Variants in RASIP1 observed in about 807,000 individuals in gnomAD.
The protein encoded by RASIP1 is Ras interacting protein 1.
Under a neutral mutation model 85.3 loss-of-function variants are expected in RASIP1, and 20 were observed. The ratio of observed to expected loss-of-function variants is 0.23; its 90% CI spans 0.17 to 0.34. RASIP1 has a LOEUF of 0.34. Among genes scored for constraint, RASIP1 ranks in the 10% least tolerant of loss-of-function variants. The pLI is 1.00. For missense variants in RASIP1, 1,170 were observed against 1,390.9 expected (o/e 0.84, Z 2.53); for synonymous variants, 617 against 647.1 (o/e 0.95, Z 0.71).
At position 48,724,375 on chromosome 19, in the gene RASIP1, C is replaced by T; in HGVS notation, c.2506G>A (p.Val836Met). Residue 836 changes from valine (V) to methionine (M), a missense_variant, in exon 10 of 12, where the codon GTG becomes ATG. Around this residue, in one of 4 missense-constraint regions of RASIP1, gnomAD observed 426 missense variants for 576.2 expected, o/e 0.74. Coordinates refer to ENST00000222145, the MANE Select transcript of RASIP1 (RefSeq NM_017805.3). This position sits in a 1 kb window ranked among gnomAD's most constrained non-coding sequence, Gnocchi z 4.6. ...TEFFRKLSMA[V>M]NLLCVPRTSL... ...GTGCGGGGCACACAGAGCAGGTTCA[C>T]AGCCATGGAGAGTTTCCGGAAGAAC... 1 of 1,614,204 alleles carries T rather than the reference C, an allele frequency of 6.2e-7. No individual in the cohort carries two copies. Among genetic ancestry groups the T allele is most frequent in the Non-Finnish European group, 8.5e-7 (1 of 1,180,030 alleles).
Position 48,724,258 on chromosome 19 carries a change from G to T in RASIP1, c.2544+79C>A. ...ATGGGGTTCAAGGGGAGCTCTGACGGTGAGCTGAATATAGAAGGTGGCTGA... is the reference window on the plus strand; with the variant it reads ...ATGGGGTTCAAGGGGAGCTCTGACGTTGAGCTGAATATAGAAGGTGGCTGA... On this transcript the variant is annotated intron_variant, in intron 10 of 11. Transcript: ENST00000222145. This position sits in a 1 kb window ranked among gnomAD's most constrained non-coding sequence, Gnocchi z 4.6. The T allele has an allele frequency of 6.8e-7, 1 of 1,463,594 alleles. No homozygotes were observed. Among genetic ancestry groups the T allele is most frequent in the African/African-American group, 1.4e-5 (1 of 71,440 alleles). 90.7% of individuals were successfully genotyped at this position (1,463,594 alleles called of 1,614,324 possible). A position where few individuals can be genotyped will look rare whatever the true frequency, so the allele number is the denominator to read the frequency against.
At position 48,738,102 on chromosome 19, in the gene RASIP1, G is replaced by C. The variant is rs898089864; in HGVS notation, c.823+858C>G. Reference sequence around the variant, plus strand: ...TGGGATTACAGGCATGCGTCACCACGCTCGGCTAATTTTTGTATTTTTAGA... The same window carrying C: ...TGGGATTACAGGCATGCGTCACCACCCTCGGCTAATTTTTGTATTTTTAGA... On this transcript the variant is annotated intron_variant, in intron 3 of 11. Coordinates refer to ENST00000222145, the MANE Select transcript of RASIP1 (RefSeq NM_017805.3). The surrounding 1 kb of genome is among the most constrained non-coding windows in gnomAD (Gnocchi z 4.0). Among the ~76,000 whole-genome samples, 1 of 152,030 alleles carries C rather than the reference G, an allele frequency of 6.6e-6. No individual in the cohort carries two copies. The highest frequency in any genetic ancestry group is 6.6e-5 in the Admixed American group (1 of 15,264).
intron 11 of RASIP1, 40 bp from the exon 12 acceptor site, chr19:48,721,037 G>T: frequency 6.7e-7 from 1 of 1,503,508 alleles, no homozygotes; most frequent in Admixed American, 2.2e-5. Flanking sequence ...TCTGAAAGTG[G>T]GAGTGAGGTA....
chr19:48,737,919 T>C, intron 3 of RASIP1: 2 of 985,402 alleles, frequency 2.0e-6, no homozygotes, highest in Non-Finnish European at 2.4e-6. Context: ...CCTTTTTCTT[T>C]TTCTGGAGGA....
At chr19:48,736,399 T>C (rs2033574013) in intron 3 of RASIP1, among the ~76,000 whole-genome samples, 1 of 151,900 alleles carries the variant, frequency 6.6e-6, no homozygotes, top group South Asian at 2.1e-4. Context: ...CAAGACTCCG[T>C]CTCAAAAAAC....
intron 11 of RASIP1, 88 bp downstream of exon 11, chr19:48,721,766 G>A (rs1471624266): frequency 8.3e-6 from 12 of 1,454,370 alleles, no homozygotes; most frequent in Non-Finnish European, 1.1e-5. Context: ...TCGCGCCATT[G>A]CACTCCAGCC....
chr19:48,735,288 G>C lies in RASIP1; in HGVS notation c.1087C>G (p.Pro363Ala). 6.2e-7 allele frequency: 1 copy of C among 1,614,078 alleles called. No individual in the cohort carries two copies. Among genetic ancestry groups the C allele is most frequent in the Non-Finnish European group, 8.5e-7 (1 of 1,179,996 alleles). The change falls in exon 4 of 12, where the codon CCC (proline) becomes GCC (alanine). Residue 363 changes from proline (P) to alanine (A), a missense_variant. Coordinates refer to ENST00000222145, the MANE Select transcript of RASIP1 (RefSeq NM_017805.3). ...AADAQIGTAD[P>A]GDFDQLTQCL... ...TGAGTCAACTGATCGAAGTCCCCGG[G>C]GTCTGCAGTTCCGATTTGGGCGTCG...
At chr19:48,731,485 A>G (rs966296112) in intron 4 of RASIP1, among the ~76,000 whole-genome samples, 1 of 152,200 alleles carries the variant, frequency 6.6e-6, no homozygotes, top group African/African-American at 2.4e-5. Flanking sequence ...CATTCCACGG[A>G]TAAATAAATG....
At position 48,735,349 on chromosome 19, in the gene RASIP1, C is replaced by A. The variant is rs143962027; in HGVS notation, c.1026G>T (p.Arg342=). 18 of 1,613,010 alleles carry A rather than the reference C, an allele frequency of 1.1e-5. No individual in the cohort carries two copies. The highest frequency in any genetic ancestry group is 1.4e-5 in the Non-Finnish European group (16 of 1,179,840). The change falls in exon 4 of 12, where the codon CGG becomes CGT. Residue 342 remains arginine, a synonymous_variant. Coordinates refer to ENST00000222145, the MANE Select transcript of RASIP1 (RefSeq NM_017805.3). ...GGGCCATGCTAAGTGCCTGCTGTCT[C>A]CGCTCCTGCTGCCGCCGCCGCCGCC... ...LQGRRRRQQE[R]RQQALSMAPG...
In RASIP1 at chr19:48,738,631, A is replaced by C; in HGVS notation, c.823+329T>G. The C allele has an allele frequency of 4.9e-6, 1 of 202,160 alleles. No homozygotes were observed. 12.5% of individuals were successfully genotyped at this position (202,160 alleles called of 1,614,324 possible). ...GTCTGAAATGCCTGCAGAAGGCCCT[A>C]ACCCCAATTCGGAGCCACTTCAGGC... On this transcript the variant is annotated intron_variant, in intron 3 of 11. Coordinates refer to ENST00000222145, the MANE Select transcript of RASIP1 (RefSeq NM_017805.3). This position sits in a 1 kb window ranked among gnomAD's most constrained non-coding sequence, Gnocchi z 4.0.
chr19:48,724,195 G>C lies in RASIP1; in HGVS notation c.2544+142C>G. On this transcript the variant is annotated intron_variant, in intron 10 of 11. Transcript: ENST00000222145. The surrounding 1 kb of genome is among the most constrained non-coding windows in gnomAD (Gnocchi z 4.6). ...TGCTGGCTTCCTTCTACCTGCCAAT[G>C]TGTTACCCACAGTGTCTGAGCTGGG... 1 of 806,164 alleles carries C rather than the reference G, an allele frequency of 1.2e-6. No individual in the cohort carries two copies. The allele number at this position is 806,164 out of a possible 1,614,324, so 49.9% of individuals were successfully genotyped here.
intron 4 of RASIP1, among the ~76,000 whole-genome samples, chr19:48,732,754 C>G (rs1045415986): frequency 1.3e-5 from 2 of 152,126 alleles, no homozygotes; most frequent in Non-Finnish European, 2.9e-5. Flanking sequence ...TCCTTGCCCC[C>G]ACAAGGAGGA....
At position 48,738,101 on chromosome 19, in the gene RASIP1, C is replaced by T. The variant is rs1036591341; in HGVS notation, c.823+859G>A. Among the ~76,000 whole-genome samples, 1 of 152,142 alleles carries T rather than the reference C, an allele frequency of 6.6e-6. No individual in the cohort carries two copies. Among genetic ancestry groups the T allele is most frequent in the Admixed American group, 6.5e-5 (1 of 15,276 alleles). Reference sequence around the variant, plus strand: ...CTGGGATTACAGGCATGCGTCACCACGCTCGGCTAATTTTTGTATTTTTAG... The same window carrying T: ...CTGGGATTACAGGCATGCGTCACCATGCTCGGCTAATTTTTGTATTTTTAG... On this transcript the variant is annotated intron_variant, in intron 3 of 11. Coordinates refer to ENST00000222145, the MANE Select transcript of RASIP1 (RefSeq NM_017805.3). This position sits in a 1 kb window ranked among gnomAD's most constrained non-coding sequence, Gnocchi z 4.0.
At chr19:48,733,432 AATAG>A in intron 4 of RASIP1, among the ~76,000 whole-genome samples, 1 of 152,316 alleles carries the variant, frequency 6.6e-6, no homozygotes, top group East Asian at 1.9e-4. Flanking sequence ...AGCTATGTAA[AATAG>A]ATAGAAGGAT....
In RASIP1 at chr19:48,740,007, C is replaced by T. The variant is rs138334310; in HGVS notation, c.137+139G>A. 4.1e-4 allele frequency: 494 copies of T among 1,192,638 alleles called. 1 individual carries two copies. In the African/African-American group the frequency reaches 7.1e-3, roughly 17 times the overall value. The allele number at this position is 1,192,638 out of a possible 1,614,324, so 73.9% of individuals were successfully genotyped here. ...GCGCCCTGGTATCACTGTGCCCCAC[C>T]GTCTCCCCCTGCCCACCAGCTCGTT... On this transcript the variant is annotated intron_variant, in intron 2 of 11. Transcript: ENST00000222145. This position sits in a 1 kb window ranked among gnomAD's most constrained non-coding sequence, Gnocchi z 5.5.
chr19:48,735,117 G>C (rs2033545336), intron 4 of RASIP1, 79 bp downstream of exon 4: 1 of 1,350,588 alleles, frequency 7.4e-7, no homozygotes, highest in African/African-American at 1.5e-5. Flanking sequence ...CGGGCCTTCT[G>C]GGAGTTGTAG....
At chr19:48,725,259 T>C (rs890334772) in intron 8 of RASIP1, 2 of 275,660 alleles carry the variant, frequency 7.3e-6, no homozygotes, top group Admixed American at 9.7e-5. Flanking sequence ...GTCAAAGAAT[T>C]ATTCATCCTG....
Position 48,740,203 on chromosome 19 carries a change from G to A in RASIP1, c.80C>T (p.Ser27Phe), listed in dbSNP as rs1234043771. Reference sequence around the variant, plus strand: ...CAGCTTCGCCAGCTGCTTCCTGGGGGAATTGATCCACAGGCCCACGGGGAG... The same window carrying A: ...CAGCTTCGCCAGCTGCTTCCTGGGGAAATTGATCCACAGGCCCACGGGGAG... ...LHLPVGLWIN[S>F]PRKQLAKLGR... The change falls in exon 2 of 12, where the codon TCC (serine) becomes TTC (phenylalanine). Residue 27 changes from serine to phenylalanine, a missense_variant. By Grantham distance (155) the Ser-to-Phe change is radical (BLOSUM62 -2). Coordinates refer to ENST00000222145, the MANE Select transcript of RASIP1 (RefSeq NM_017805.3). This position sits in a 1 kb window ranked among gnomAD's most constrained non-coding sequence, Gnocchi z 5.5. 6.3e-7 allele frequency: 1 copy of A among 1,590,456 alleles called. No individual in the cohort carries two copies. Among genetic ancestry groups the A allele is most frequent in the Non-Finnish European group, 8.5e-7 (1 of 1,172,668 alleles).
At chr19:48,728,153 G>A (rs1229386879) in intron 5 of RASIP1, among the ~76,000 whole-genome samples, 1 of 152,082 alleles carries the variant, frequency 6.6e-6, no homozygotes, top group African/African-American at 2.4e-5. Flanking sequence ...AGCTCAATAG[G>A]ATGGAACGTT....
Sources: gnomAD v4.1 joint callset for allele counts (sites outside exome capture counted in the v4.1 genomes callset) on GRCh38, gnomAD v4.1.1 for gene constraint, gnomAD v4.1.1 regional missense constraint, Gnocchi (gnomAD v3.1) non-coding constraint, MANE v1.5 for transcripts, NCBI Gene and HGNC (gene_info 2026-07-23, HGNC 2026-07-21) for gene names.